The following UTRN variants were observed in gnomAD, a reference collection of about 807,000 sequenced individuals.
The protein encoded by UTRN is utrophin.
Under a neutral mutation model 463.9 loss-of-function variants are expected in UTRN, and 283 were observed. The ratio of observed to expected loss-of-function variants is 0.61; its 90% CI spans 0.55 to 0.67. The LOEUF (loss-of-function observed/expected upper bound fraction) is 0.67, where lower values mean the gene tolerates loss of function less well. Ranked by LOEUF, UTRN falls within the 30% of genes least tolerant of loss-of-function variation. The pLI, the probability that UTRN is intolerant of heterozygous loss-of-function variation, is 0.00. For synonymous variants in UTRN, 1,442 were observed against 1,431.5 expected, an observed-to-expected ratio of 1.01 and a Z score of -0.17; for missense variants, 3,922 against 4,084.3, an observed-to-expected ratio of 0.96 and a Z score of 1.08.
chr6:144,637,708 TC>T (rs1486367223), intron 51 of UTRN, among the ~76,000 whole-genome samples: 2 of 152,092 alleles, frequency 1.3e-5, no homozygotes, highest in East Asian at 3.8e-4. Flanking sequence ...CCTTTTCCCC[TC>T]CACCCTAATG....
intron 2 of UTRN, among the ~76,000 whole-genome samples, chr6:144,383,074 G>A (rs1781076251): frequency 7.3e-6 from 1 of 136,580 alleles, no homozygotes; most frequent in Admixed American, 7.4e-5. Context: ...TGGGACCACA[G>A]GCATATGCCA....
intron 3 of UTRN, among the ~76,000 whole-genome samples, chr6:144,418,380 ATTT>A (rs369278118): frequency 5.1e-5 from 7 of 137,222 alleles, no homozygotes; most frequent in Middle Eastern, 3.3e-3. Context: ...CGCCCGGCTA[ATTT>A]TTTTTTTTTT....
chr6:144,376,252 C>T (rs1472241651), intron 2 of UTRN, among the ~76,000 whole-genome samples: 3 of 151,820 alleles, frequency 2.0e-5, no homozygotes, highest in South Asian at 2.1e-4. Flanking sequence ...GTCAGGAGTT[C>T]GATACCAGCC....
At chr6:144,718,554 A>G (rs1786757633) in intron 53 of UTRN, among the ~76,000 whole-genome samples, 1 of 152,308 alleles carries the variant, frequency 6.6e-6, no homozygotes, top group Non-Finnish European at 1.5e-5. Flanking sequence ...AAAATGAGAG[A>G]GATGATTAAC....
chr6:144,381,291 T>C (rs1780896621), intron 2 of UTRN, among the ~76,000 whole-genome samples: 1 of 152,216 alleles, frequency 6.6e-6, no homozygotes, highest in Admixed American at 6.5e-5. Flanking sequence ...TCTGTTCATA[T>C]GTTAATTTGC....
intron 52 of UTRN, among the ~76,000 whole-genome samples, chr6:144,683,548 T>C (rs1021963744): frequency 6.6e-6 from 1 of 152,168 alleles, no homozygotes; most frequent in Non-Finnish European, 1.5e-5. Context: ...TCTCTGTTCT[T>C]TCCTCTCATT....
chr6:144,796,863 A>G (rs898973004), intron 63 of UTRN, among the ~76,000 whole-genome samples: 6 of 152,222 alleles, frequency 3.9e-5, no homozygotes, highest in African/African-American at 1.4e-4. Context: ...TATCAAATGC[A>G]AATTCTAAAT....
At chr6:144,665,931 G>T (rs913718242) in intron 51 of UTRN, among the ~76,000 whole-genome samples, 1 of 152,126 alleles carries the variant, frequency 6.6e-6, no homozygotes, top group Non-Finnish European at 1.5e-5. Context: ...TCTTGCCATG[G>T]CCCCTCTGTG....
chr6:144,503,805 A>T (rs1432039787), intron 34 of UTRN, among the ~76,000 whole-genome samples: 1 of 152,092 alleles, frequency 6.6e-6, no homozygotes, highest in South Asian at 2.1e-4. Flanking sequence ...GCTTGATGGG[A>T]ATAGCATTGA....
chr6:144,508,133 G>T (rs763576409), intron 34 of UTRN, among the ~76,000 whole-genome samples: 1 of 152,128 alleles, frequency 6.6e-6, no homozygotes, highest in Non-Finnish European at 1.5e-5. Context: ...TGCTGTCCTG[G>T]CAGCGAGAAT....
At chr6:144,437,494 C>A in intron 10 of UTRN, 71 bp from the exon 11 acceptor site, 2 of 1,439,854 alleles carry the variant, frequency 1.4e-6, no homozygotes, top group Non-Finnish European at 1.8e-6. Context: ...TAGGCATTAG[C>A]AATTTGTTCA....
intron 46 of UTRN, among the ~76,000 whole-genome samples, chr6:144,543,493 T>G (rs1003440247): frequency 6.6e-6 from 1 of 152,216 alleles, no homozygotes; most frequent in Non-Finnish European, 1.5e-5. Flanking sequence ...TGCCCTGCTC[T>G]TCCTCTGTTG....
chr6:144,771,919 G>T lies in UTRN; in HGVS notation c.8508G>T (p.Gln2836His). 6.4e-7 allele frequency: 1 copy of T among 1,553,136 alleles called. No homozygotes were observed. Among genetic ancestry groups the T allele is most frequent in the African/African-American group, 1.4e-5 (1 of 71,274 alleles). ...KVPYYINHQTQTTCWDHPKMT... is the reference protein window; with the variant it reads ...KVPYYINHQTHTTCWDHPKMT... ...CTTTTTTTTCCAGCCATCAAACACA[G>T]ACCACCTGTTGGGACCATCCTAAAA... Residue 2836 changes from glutamine to histidine, a missense_variant, in exon 59 of 75, where the codon CAG becomes CAT. By Grantham distance (24) the Gln-to-His change is conservative. This residue lies in a region of UTRN where 1,309 missense variants were observed against 1,452.6 expected (regional missense o/e 0.90). Coordinates refer to ENST00000367545, the MANE Select transcript of UTRN (RefSeq NM_007124.3).
chr6:144,743,284 GAA>G (rs1335422263), intron 54 of UTRN, among the ~76,000 whole-genome samples: 1 of 151,834 alleles, frequency 6.6e-6, no homozygotes, highest in African/African-American at 2.4e-5. Context: ...TCATAATTGA[GAA>G]AAAAACACCA....
Position 144,846,823 on chromosome 6 carries a change from C to T in UTRN, c.10289C>T (p.Pro3430Leu). ...CTTTCAGCAAATGTTCCCAGCAGGC[C>T]ACAGGTAAGAGTTAATGGCTTGGTT... Reference protein sequence around the residue: ...PSCCPNVPSRPQAM With the variant: ...PSCCPNVPSRLQAM The change falls in exon 74 of 75, where the codon CCA becomes CTA. Residue 3430 changes from proline (P) to leucine (L), a missense_variant. Physicochemically the swap from Pro to Leu is moderately conservative, Grantham distance 98 (BLOSUM62 -3). This residue lies in a region of UTRN where 1,309 missense variants were observed against 1,452.6 expected (regional missense o/e 0.90). Coordinates refer to ENST00000367545, the MANE Select transcript of UTRN (RefSeq NM_007124.3). 1 of 1,613,992 alleles carries T rather than the reference C, an allele frequency of 6.2e-7. No individual in the cohort carries two copies. Among genetic ancestry groups the T allele is most frequent in the Non-Finnish European group, 8.5e-7 (1 of 1,179,930 alleles).
chr6:144,376,072 G>A (rs532760432), intron 2 of UTRN, among the ~76,000 whole-genome samples: 2 of 152,036 alleles, frequency 1.3e-5, no homozygotes, highest in Non-Finnish European at 2.9e-5. Flanking sequence ...CTGCAGTCTT[G>A]AACTCTGGGA....
intron 51 of UTRN, among the ~76,000 whole-genome samples, chr6:144,613,420 C>T (rs1439311879): frequency 2.6e-5 from 4 of 151,910 alleles, no homozygotes; most frequent in East Asian, 1.9e-4. Context: ...GGAGATGAAT[C>T]GGTTAATTAG....
At chr6:144,350,123 A>G (rs1746) in intron 2 of UTRN, among the ~76,000 whole-genome samples, 73,019 of 152,014 alleles carry the variant, frequency 0.48, 20,446 homozygotes, top group Non-Finnish European at 0.62. Context: ...CTGGGCAGGA[A>G]TTCCTGTGGC....
intron 2 of UTRN, among the ~76,000 whole-genome samples, chr6:144,374,943 C>T (rs1464909907): frequency 1.6e-5 from 2 of 127,502 alleles, no homozygotes; most frequent in Admixed American, 8.5e-5. Context: ...GAGACTCCAT[C>T]TCAAAAAAAA....
Sources: allele counts gnomAD v4.1 joint callset (sites outside exome capture counted in the v4.1 genomes callset), GRCh38; gene constraint gnomAD v4.1.1; regional missense constraint gnomAD v4.1.1; transcripts MANE v1.5; gene names NCBI Gene and HGNC (gene_info 2026-07-23, HGNC 2026-07-21).